Variants in RHOJ observed in about 807,000 individuals in gnomAD.
The protein encoded by RHOJ is ras homolog family member J.
RHOJ carries 11 observed loss-of-function variants against 23.4 expected under a neutral mutation model. The observed-to-expected ratio is 0.47, with a 90% CI of 0.30 to 0.78. The LOEUF (loss-of-function observed/expected upper bound fraction) is 0.78, where lower values mean the gene tolerates loss of function less well. RHOJ is among the 30% of genes least tolerant of loss of function. The pLI is 0.08. For synonymous variants in RHOJ, 102 were observed against 102.7 expected (o/e 0.99, Z 0.04); for missense variants, 254 against 273.4 (o/e 0.93, Z 0.50).
chr14:63,214,762 C>T (rs1352700686), intron 1 of RHOJ, among the ~76,000 whole-genome samples: 1 of 152,122 alleles, frequency 6.6e-6, no homozygotes, highest in Admixed American at 6.5e-5. Flanking sequence ...AGGAGACTAA[C>T]CTTACTTACC....
chr14:63,233,213 G>A (rs982650399), intron 1 of RHOJ, among the ~76,000 whole-genome samples: 10 of 152,168 alleles, frequency 6.6e-5, no homozygotes, highest in African/African-American at 2.4e-4. Context: ...TTGAGCTCAC[G>A]AAATAAGTAA....
intron 1 of RHOJ, among the ~76,000 whole-genome samples, chr14:63,260,010 A>C (rs895424165): frequency 1.3e-5 from 2 of 152,232 alleles, no homozygotes; most frequent in Non-Finnish European, 2.9e-5. Context: ...TCCAAATTAT[A>C]TTGTAATCAT....
At chr14:63,241,834 A>C (rs1299462648) in intron 1 of RHOJ, among the ~76,000 whole-genome samples, 1 of 152,258 alleles carries the variant, frequency 6.6e-6, no homozygotes, top group Non-Finnish European at 1.5e-5. Context: ...GTATAAGGAC[A>C]CTATTTTTCA....
At chr14:63,276,110 C>T (rs1359929320) in intron 2 of RHOJ, among the ~76,000 whole-genome samples, 1 of 152,150 alleles carries the variant, frequency 6.6e-6, no homozygotes, top group African/African-American at 2.4e-5. Context: ...GAGGGAAGAA[C>T]AGTCACCTGT....
chr14:63,276,918 G>A (rs1284548166), intron 2 of RHOJ, among the ~76,000 whole-genome samples: 1 of 152,194 alleles, frequency 6.6e-6, no homozygotes, highest in Non-Finnish European at 1.5e-5. Context: ...TTTTGGCTTT[G>A]AAGTTTTAAA....
chr14:63,232,923 T>C (rs1203126156), intron 1 of RHOJ, among the ~76,000 whole-genome samples: 1 of 152,094 alleles, frequency 6.6e-6, no homozygotes, highest in Non-Finnish European at 1.5e-5. Flanking sequence ...ATCAAACTCC[T>C]GGACTCAAGC....
intron 1 of RHOJ, among the ~76,000 whole-genome samples, chr14:63,231,997 A>G (rs1894704244): frequency 6.6e-6 from 1 of 152,214 alleles, no homozygotes; most frequent in African/African-American, 2.4e-5. Context: ...TATGGTGCAC[A>G]CATGTGTGAC....
chr14:63,216,824 T>C (rs539211292), intron 1 of RHOJ, among the ~76,000 whole-genome samples: 2 of 152,340 alleles, frequency 1.3e-5, no homozygotes, highest in South Asian at 4.1e-4. Flanking sequence ...ATTTCATTCA[T>C]TTAGCCTCTT....
chr14:63,282,995 T>G (rs1881958634), intron 3 of RHOJ, 126 bp from the exon 4 acceptor site: 2 of 695,944 alleles, frequency 2.9e-6, no homozygotes, highest in African/African-American at 3.6e-5. Flanking sequence ...GTGAATCTGC[T>G]TCCTTAAAGA....
chr14:63,269,817 C>A (rs933734296), intron 2 of RHOJ, among the ~76,000 whole-genome samples: 1 of 152,206 alleles, frequency 6.6e-6, no homozygotes, highest in Non-Finnish European at 1.5e-5. Context: ...CGGGCTAAAA[C>A]CCTCAACAAT....
At chr14:63,271,286 T>A (rs985526154) in intron 2 of RHOJ, among the ~76,000 whole-genome samples, 1 of 152,338 alleles carries the variant, frequency 6.6e-6, no homozygotes, top group South Asian at 2.1e-4. Context: ...AGGCCTAAAA[T>A]TCTGTGATGA....
chr14:63,263,841 G>A (rs1298006270), intron 1 of RHOJ, among the ~76,000 whole-genome samples: 1 of 152,152 alleles, frequency 6.6e-6, no homozygotes, highest in Non-Finnish European at 1.5e-5. Context: ...TCCACCCTGT[G>A]TGCCTACCTT....
chr14:63,268,213 A>C lies in RHOJ; in HGVS notation c.179-897A>C, dbSNP rs149675373. Among the ~76,000 whole-genome samples the C allele has an allele frequency of 2.3e-3, 348 of 152,296 alleles. 1 individual carries two copies. The highest frequency in any genetic ancestry group is 6.5e-3 in the Admixed American group (99 of 15,292). ...ATTTCCTTTTTCCAAAAAGCGATTCAATTTTTTTTTTGGAAATTTAAATTT... is the reference window on the plus strand; with the variant it reads ...ATTTCCTTTTTCCAAAAAGCGATTCCATTTTTTTTTTGGAAATTTAAATTT... On this transcript the variant is annotated intron_variant, in intron 1 of 4. Coordinates refer to ENST00000316754, the MANE Select transcript of RHOJ (RefSeq NM_020663.5).
intron 2 of RHOJ, among the ~76,000 whole-genome samples, chr14:63,272,625 C>G (rs977867359): frequency 6.6e-6 from 1 of 152,206 alleles, no homozygotes; most frequent in Non-Finnish European, 1.5e-5. Flanking sequence ...ACCTGCTTTC[C>G]CTTGACTTTG....
At chr14:63,257,002 G>A (rs1895178594) in intron 1 of RHOJ, among the ~76,000 whole-genome samples, 4 of 151,502 alleles carry the variant, frequency 2.6e-5, no homozygotes, top group Admixed American at 2.6e-4. Context: ...AACCCGGGAG[G>A]TGGAAGTTGC....
intron 1 of RHOJ, among the ~76,000 whole-genome samples, chr14:63,263,163 G>A (rs1386648868): frequency 1.3e-5 from 2 of 152,152 alleles, no homozygotes; most frequent in Non-Finnish European, 2.9e-5. Context: ...GCTCAGAGAT[G>A]GTAGGTGACT....
intron 4 of RHOJ, among the ~76,000 whole-genome samples, chr14:63,287,351 A>G (rs895328686): frequency 2.6e-5 from 4 of 152,218 alleles, no homozygotes; most frequent in African/African-American, 9.6e-5. Flanking sequence ...TGAAATGAGG[A>G]TGGTGACAGA....
chr14:63,228,952 CCTT>C (rs1419801884), intron 1 of RHOJ, among the ~76,000 whole-genome samples: 2 of 152,184 alleles, frequency 1.3e-5, no homozygotes, highest in Non-Finnish European at 2.9e-5. Flanking sequence ...TCTCATAGCT[CCTT>C]CTTCTGACCT....
intron 1 of RHOJ, among the ~76,000 whole-genome samples, chr14:63,248,601 C>T (rs1427228699): frequency 2.0e-5 from 3 of 152,190 alleles, no homozygotes; most frequent in Non-Finnish European, 4.4e-5. Flanking sequence ...ATTATATAAA[C>T]TCAATACTGA....
Sources: gnomAD v4.1 joint callset for allele counts (sites outside exome capture counted in the v4.1 genomes callset) on GRCh38, gnomAD v4.1.1 for gene constraint, MANE v1.5 for transcripts, NCBI Gene and HGNC (gene_info 2026-07-23, HGNC 2026-07-21) for gene names.